Variants in DNAH6 observed in about 807,000 individuals in gnomAD.
The protein encoded by DNAH6 is axonemal beta dynein heavy chain 6.
In DNAH6, 340 loss-of-function variants were observed where a neutral mutation model predicts 491.4. The observed-to-expected ratio is 0.69, with a 90% CI of 0.63 to 0.76. DNAH6 has a LOEUF of 0.76. Ranked by LOEUF, DNAH6 falls within the 30% of genes least tolerant of loss-of-function variation. The pLI is 0.00. For synonymous variants in DNAH6, 1,603 were observed against 1,686.1 expected (o/e 0.95, Z 1.21); for missense variants, 4,443 against 4,972.2 (o/e 0.89, Z 3.20).
chr2:84,486,178 T>C, the DNAH6 span, among the ~76,000 whole-genome samples: 1 of 152,150 alleles, frequency 6.6e-6, no homozygotes, highest in Non-Finnish European at 1.5e-5. Context: ...CCTGCCTCAT[T>C]TCTCATGAAA....
chr2:84,617,706 G>A (rs961828763), intron 23 of DNAH6, among the ~76,000 whole-genome samples: 9 of 152,020 alleles, frequency 5.9e-5, no homozygotes, highest in Non-Finnish European at 1.2e-4. Context: ...GTGTGTGTGT[G>A]TATATGTGCA....
chr2:84,525,249 G>A (rs903541838), intron 2 of DNAH6, among the ~76,000 whole-genome samples: 8 of 152,166 alleles, frequency 5.3e-5, no homozygotes, highest in African/African-American at 7.2e-5. Flanking sequence ...ATTAGTAAAT[G>A]ATGGGGGTTT....
chr2:84,740,886 C>T (rs1038467317), intron 62 of DNAH6, among the ~76,000 whole-genome samples: 1 of 152,208 alleles, frequency 6.6e-6, no homozygotes, highest in Non-Finnish European at 1.5e-5. Flanking sequence ...ACACTCACTG[C>T]TCAATTCTGC....
chr2:84,639,271 T>TC (rs1470354635), intron 31 of DNAH6, among the ~76,000 whole-genome samples: 4 of 152,064 alleles, frequency 2.6e-5, no homozygotes, highest in African/African-American at 9.7e-5. Flanking sequence ...AGGTTTAGAG[T>TC]CCAGTCCAAC....
At chr2:84,643,142 G>A (rs1214864754) in intron 33 of DNAH6, among the ~76,000 whole-genome samples, 3 of 151,930 alleles carry the variant, frequency 2.0e-5, no homozygotes, top group African/African-American at 7.3e-5. Context: ...AATTTCACAG[G>A]GTACAGAATT....
intron 3 of DNAH6, among the ~76,000 whole-genome samples, chr2:84,528,094 G>T (rs912597489): frequency 3.3e-5 from 5 of 152,202 alleles, no homozygotes; most frequent in African/African-American, 9.6e-5. Flanking sequence ...TTTTTTGGGG[G>T]GTGTGAGTGG....
chr2:84,667,982 C>T (rs762372042), intron 37 of DNAH6, among the ~76,000 whole-genome samples: 2 of 152,110 alleles, frequency 1.3e-5, no homozygotes, highest in African/African-American at 2.4e-5. Context: ...AGCAAACTAT[C>T]GCAAGGACAG....
intron 62 of DNAH6, among the ~76,000 whole-genome samples, chr2:84,739,537 G>A (rs941517485): frequency 4.6e-5 from 7 of 152,162 alleles, no homozygotes; most frequent in Admixed American, 1.3e-4. Context: ...CAAAGGCTTT[G>A]TTCATTTTTT....
intron 37 of DNAH6, among the ~76,000 whole-genome samples, chr2:84,659,577 G>A (rs1304156112): frequency 6.6e-6 from 1 of 152,182 alleles, no homozygotes. Context: ...TGTTAGAGAA[G>A]GGATTTACAA....
intron 29 of DNAH6, among the ~76,000 whole-genome samples, chr2:84,627,457 G>A (rs1251985470): frequency 1.3e-5 from 2 of 152,140 alleles, no homozygotes; most frequent in African/African-American, 4.8e-5. Context: ...TTTCTCACCT[G>A]ACTTTGAAGG....
chr2:84,677,525 T>G (rs1381710561), intron 41 of DNAH6, among the ~76,000 whole-genome samples: 2 of 152,192 alleles, frequency 1.3e-5, no homozygotes, highest in African/African-American at 4.8e-5. Context: ...CCACCAAACT[T>G]GGCACCTGAT....
chr2:84,637,373 C>T lies in DNAH6; in HGVS notation c.4817C>T (p.Ala1606Val), dbSNP rs751267208. 1 of 1,542,232 alleles carries T rather than the reference C, an allele frequency of 6.5e-7. No individual in the cohort carries two copies. The highest frequency in any genetic ancestry group is 1.2e-5 in the South Asian group (1 of 82,498). ...AMMVPNYALI[A>V]EVILYSEGFE... ...ATGGTTCCAAATTATGCCTTGATTG[C>T]AGAGGTGAGCATCACATTATAAAGC... Residue 1606 changes from alanine (A) to valine (V), a missense_variant, in exon 31 of 77, where the codon GCA becomes GTA. Ala to Val is a moderately conservative substitution (Grantham distance 64). Transcript: ENST00000389394.
chr2:84,711,895 CT>C (rs1697079524), intron 56 of DNAH6, among the ~76,000 whole-genome samples: 5 of 152,236 alleles, frequency 3.3e-5, no homozygotes. Context: ...CTCAGGTTTA[CT>C]TTATGACACG....
intron 45 of DNAH6, among the ~76,000 whole-genome samples, chr2:84,690,942 G>T (rs935691780): frequency 1.3e-5 from 2 of 152,166 alleles, no homozygotes; most frequent in Non-Finnish European, 2.9e-5. Context: ...TTAACTCGGG[G>T]GGAAAAATTT....
At chr2:84,801,243 T>G (rs1381520525) in intron 70 of DNAH6, among the ~76,000 whole-genome samples, 62 of 102,074 alleles carry the variant, frequency 6.1e-4, no homozygotes, top group East Asian at 3.1e-3. Context: ...ACTTAAAGTA[T>G]AATTAAAAAA....
chr2:84,604,257 C>A, intron 18 of DNAH6, 82 bp from the exon 19 acceptor site: 2 of 1,093,218 alleles, frequency 1.8e-6, no homozygotes, highest in Non-Finnish European at 2.7e-6. Flanking sequence ...CAGCTCTCTA[C>A]ATGCACAAAT....
At chr2:84,612,592 AAATTCTTTGGG>A (rs1432164605) in intron 22 of DNAH6, among the ~76,000 whole-genome samples, 2 of 152,112 alleles carry the variant, frequency 1.3e-5, no homozygotes, top group Non-Finnish European at 2.9e-5. Context: ...ATAGAATTGA[AAATTCTTTGGG>A]TCTTTTCGAG....
chr2:84,811,810 G>A (rs572538162), intron 72 of DNAH6, among the ~76,000 whole-genome samples: 9 of 149,716 alleles, frequency 6.0e-5, no homozygotes, highest in Non-Finnish European at 1.0e-4. Context: ...GCAGTGAGCC[G>A]AGATCATCCC....
At chr2:84,685,550 C>A in intron 43 of DNAH6, 78 bp downstream of exon 43, 1 of 878,838 alleles carries the variant, frequency 1.1e-6, no homozygotes, top group Non-Finnish European at 1.6e-6. Flanking sequence ...ACAATTAACA[C>A]AAAAAGAATT....
Sources: allele counts gnomAD v4.1 joint callset (sites outside exome capture counted in the v4.1 genomes callset), GRCh38; gene constraint gnomAD v4.1.1; transcripts MANE v1.5; gene names NCBI Gene and HGNC (gene_info 2026-07-23, HGNC 2026-07-21).